Variants in R3HDM1 observed in about 807,000 individuals in gnomAD.
R3HDM1 encodes R3H domain containing 1.
In R3HDM1, 46 loss-of-function variants were observed where a neutral mutation model predicts 141.1. The ratio of observed to expected loss-of-function variants is 0.33; its 90% confidence interval spans 0.26 to 0.42. The LOEUF (loss-of-function observed/expected upper bound fraction) is 0.42. Among genes scored for constraint, R3HDM1 ranks in the 10% least tolerant of loss-of-function variants. The pLI is 1.00. For synonymous variants in R3HDM1, 435 were observed against 472.9 expected (o/e 0.92, Z 1.04); for missense variants, 1,184 against 1,368.3 (o/e 0.87, Z 2.12).
chr2:135,707,579 C>T (rs2075105533), intron 21 of R3HDM1, among the ~76,000 whole-genome samples: 1 of 152,142 alleles, frequency 6.6e-6, no homozygotes, highest in South Asian at 2.1e-4. Flanking sequence ...CCTGAGTATT[C>T]CCTTCCCTTT....
chr2:135,654,069 C>T (rs1020224880), intron 18 of R3HDM1, among the ~76,000 whole-genome samples: 1 of 152,016 alleles, frequency 6.6e-6, no homozygotes, highest in African/African-American at 2.4e-5. Context: ...CTGTTTGGTT[C>T]CAAAACATTT....
intron 3 of R3HDM1, chr2:135,607,859 G>A (rs2105126073): frequency 1.0e-6 from 1 of 983,332 alleles, no homozygotes; most frequent in African/African-American, 1.7e-5. Context: ...CTTTACCAAG[G>A]GAATACCATA....
At chr2:135,721,883 C>A in intron 24 of R3HDM1, 41 bp from the exon 25 acceptor site, 1 of 1,564,702 alleles carries the variant, frequency 6.4e-7, no homozygotes, top group East Asian at 2.3e-5. Context: ...CCACCGTGCC[C>A]GGCCTCTGGC....
intron 9 of R3HDM1, 71 bp from the exon 10 acceptor site, chr2:135,635,819 A>G (rs2105230310): frequency 6.7e-7 from 1 of 1,499,226 alleles, no homozygotes; most frequent in Non-Finnish European, 8.9e-7. Context: ...ATAAAATGTT[A>G]TGTTTAACTT....
At chr2:135,710,379 CTT>C in intron 23 of R3HDM1, 148 bp downstream of exon 23, 2 of 775,492 alleles carry the variant, frequency 2.6e-6, no homozygotes, top group African/African-American at 1.8e-5. Flanking sequence ...AATCCCAGCA[CTT>C]TTTGGGAGGC....
rs935669061 is a variant in R3HDM1 at position 135,724,162 on chromosome 2, C to T, written c.3275C>T (p.Ala1092Val). 1.9e-6 allele frequency: 3 copies of T among 1,613,866 alleles called. No individual in the cohort carries two copies. The highest frequency in any genetic ancestry group is 1.3e-5 in the African/African-American group (1 of 74,914). Residue 1092 changes from alanine to valine, a missense_variant, in exon 27 of 27, where the codon GCC becomes GTC. Ala to Val is a moderately conservative substitution (Grantham distance 64). Coordinates refer to ENST00000683871, the MANE Select transcript of R3HDM1 (RefSeq NM_001378107.1). ...TTGGCCTCCACCTACACCGTCTTAG[C>T]CACATTCCCCTCCATTTCAGCTGCA... ...SDLASTYTVL[A>V]TFPSISAAQN...
At chr2:135,622,116 A>G (rs1226668218) in intron 6 of R3HDM1, 1 of 981,872 alleles carries the variant, frequency 1.0e-6, no homozygotes, top group African/African-American at 1.7e-5. Flanking sequence ...GTATAAAGAT[A>G]CTACATTTAA....
chr2:135,710,478 G>A (rs886846910), intron 23 of R3HDM1, among the ~76,000 whole-genome samples: 1 of 152,222 alleles, frequency 6.6e-6, no homozygotes, highest in South Asian at 2.1e-4. Flanking sequence ...TCAGCTGGGT[G>A]TAGTGGCACA....
chr2:135,604,964 A>G lies in R3HDM1; in HGVS notation c.119A>G (p.Lys40Arg). 6.2e-7 allele frequency: 1 copy of G among 1,612,422 alleles called. No individual in the cohort carries two copies. The highest frequency in any genetic ancestry group is 8.5e-7 in the Non-Finnish European group (1 of 1,178,810). Residue 40 changes from lysine to arginine, a missense_variant, in exon 3 of 27, where the codon AAG (lysine) becomes AGG (arginine). Around this residue, in one of 5 missense-constraint regions of R3HDM1, gnomAD observed 192 missense variants for 215.7 expected, o/e 0.89. Coordinates refer to ENST00000683871, the MANE Select transcript of R3HDM1 (RefSeq NM_001378107.1). ...CTTATCAAATCAGAAAACTATGGGA[A>G]GATTTTGGTAGAGAAGAATGAACAT... is the stretch of plus-strand genomic sequence containing the variant. ...ENLIKSENYG[K>R]ILVEKNEHCI...
intron 1 of R3HDM1, among the ~76,000 whole-genome samples, chr2:135,543,493 G>A (rs1303449529): frequency 1.3e-5 from 2 of 151,294 alleles, no homozygotes; most frequent in Non-Finnish European, 2.9e-5. Flanking sequence ...GGGTCAGGTT[G>A]CCAGTTTCTG....
chr2:135,566,749 TC>T, intron 1 of R3HDM1: 9 of 985,278 alleles, frequency 9.1e-6, no homozygotes, highest in Non-Finnish European at 1.1e-5. Context: ...AAGGAAATGA[TC>T]AAAACTGTAA....
At chr2:135,661,123 TA>T (rs2066648012) in intron 18 of R3HDM1, 146 bp from the exon 19 acceptor site, 1 of 1,049,864 alleles carries the variant, frequency 9.5e-7, no homozygotes, top group African/African-American at 1.6e-5. Flanking sequence ...GAATTTTTTT[TA>T]AATTTCAGTT....
intron 3 of R3HDM1, among the ~76,000 whole-genome samples, chr2:135,615,927 T>C (rs2060983027): frequency 6.6e-6 from 1 of 152,192 alleles, no homozygotes; most frequent in Non-Finnish European, 1.5e-5. Flanking sequence ...GAAAAATGCC[T>C]AAGAAAGAAA....
chr2:135,677,348 G>A (rs1574946759), intron 20 of R3HDM1, among the ~76,000 whole-genome samples: 1 of 152,050 alleles, frequency 6.6e-6, no homozygotes, highest in East Asian at 1.9e-4. Context: ...CCATCCTTGA[G>A]CCTAGGCACA....
intron 17 of R3HDM1, 182 bp downstream of exon 17, chr2:135,650,185 T>G: frequency 1.0e-6 from 1 of 969,784 alleles, no homozygotes. Context: ...ATATTGGTTA[T>G]AGTGGCTTAT....
At chr2:135,677,197 T>C (rs1303311624) in intron 20 of R3HDM1, among the ~76,000 whole-genome samples, 1 of 152,240 alleles carries the variant, frequency 6.6e-6, no homozygotes, top group East Asian at 1.9e-4. Flanking sequence ...TCAAATGTTG[T>C]TGAGCACCAA....
chr2:135,672,088 G>GACAAA (rs1310623007), intron 19 of R3HDM1, among the ~76,000 whole-genome samples: 1 of 152,158 alleles, frequency 6.6e-6, no homozygotes, highest in Non-Finnish European at 1.5e-5. Context: ...ATCGTAAAGG[G>GACAAA]ATTAATAATT....
intron 1 of R3HDM1, among the ~76,000 whole-genome samples, chr2:135,600,842 A>G (rs749515654): frequency 6.6e-6 from 1 of 152,204 alleles, no homozygotes; most frequent in Admixed American, 6.5e-5. Context: ...CTGAATTACA[A>G]TATTGGACTA....
intron 21 of R3HDM1, among the ~76,000 whole-genome samples, chr2:135,704,216 G>A (rs2105419914): frequency 6.6e-6 from 1 of 152,294 alleles, no homozygotes; most frequent in African/African-American, 2.4e-5. Context: ...TTGACCTCAA[G>A]TGATCCGCCT....
Sources: allele counts gnomAD v4.1 joint callset (sites outside exome capture counted in the v4.1 genomes callset), GRCh38; gene constraint gnomAD v4.1.1; regional missense constraint gnomAD v4.1.1; transcripts MANE v1.5; gene names NCBI Gene and HGNC (gene_info 2026-07-23, HGNC 2026-07-21).